The following SEMA3A variants were observed in gnomAD, a reference collection of about 807,000 sequenced individuals.
SEMA3A encodes semaphorin-3A.
SEMA3A carries 29 observed loss-of-function variants against 97.9 expected under a neutral mutation model. The ratio of observed to expected loss-of-function variants is 0.30; its 90% CI spans 0.22 to 0.40. The LOEUF is 0.40. SEMA3A is among the 10% of genes least tolerant of loss of function. The pLI is 1.00. For missense variants in SEMA3A, 763 were observed against 951.3 expected (o/e 0.80, Z 2.60); for synonymous variants, 321 against 323.7 (o/e 0.99, Z 0.09).
chr7:84,308,260 C>A (rs73384893), intron 2 of SEMA3A, among the ~76,000 whole-genome samples: 200 of 152,134 alleles, frequency 1.3e-3, no homozygotes, highest in African/African-American at 4.6e-3. Flanking sequence ...GGATCCCTTA[C>A]TGTGTGATAG....
chr7:84,484,948 A>C (rs955799320), intron 1 of SEMA3A, among the ~76,000 whole-genome samples: 1 of 152,196 alleles, frequency 6.6e-6, no homozygotes, highest in African/African-American at 2.4e-5. Flanking sequence ...ATGTTTGTAC[A>C]TATTTACTGC....
intron 1 of SEMA3A, among the ~76,000 whole-genome samples, chr7:84,147,801 T>C (rs1014508458): frequency 1.3e-5 from 2 of 152,236 alleles, no homozygotes; most frequent in Non-Finnish European, 2.9e-5. Flanking sequence ...ACAACATGCC[T>C]GGTGCTATAA....
chr7:84,355,557 T>TA (rs1204608133), intron 2 of SEMA3A, among the ~76,000 whole-genome samples: 1 of 151,882 alleles, frequency 6.6e-6, no homozygotes, highest in African/African-American at 2.4e-5. Context: ...AAGAGGTTGA[T>TA]ACTGTAATAA....
chr7:84,215,746 T>G (rs181069186), intron 3 of SEMA3A, among the ~76,000 whole-genome samples: 1 of 152,342 alleles, frequency 6.6e-6, no homozygotes, highest in African/African-American at 2.4e-5. Flanking sequence ...ACTAAATAGT[T>G]ATTGGATGAA....
At chr7:84,389,050 G>A (rs1340495511) in intron 1 of SEMA3A, among the ~76,000 whole-genome samples, 1 of 151,938 alleles carries the variant, frequency 6.6e-6, no homozygotes, top group Non-Finnish European at 1.5e-5. Context: ...CCTTATGAGG[G>A]GGAAAATAAG....
At chr7:84,061,169 G>T (rs1793201826) in intron 4 of SEMA3A, among the ~76,000 whole-genome samples, 1 of 152,134 alleles carries the variant, frequency 6.6e-6, no homozygotes, top group Admixed American at 6.5e-5. Flanking sequence ...AAATATCCCA[G>T]GTTAGGAGAG....
chr7:84,325,561 ACAGGTGG>A (rs1363248582), intron 2 of SEMA3A, among the ~76,000 whole-genome samples: 1 of 151,984 alleles, frequency 6.6e-6, no homozygotes, highest in Non-Finnish European at 1.5e-5. Context: ...AAGCTAGGTG[ACAGGTGG>A]CAAAGGAGAT....
chr7:84,088,430 G>A (rs1794453697), intron 4 of SEMA3A, among the ~76,000 whole-genome samples: 1 of 151,858 alleles, frequency 6.6e-6, no homozygotes, highest in South Asian at 2.1e-4. Flanking sequence ...CTCCAGCCTG[G>A]GCTACACAGG....
chr7:84,380,239 C>T (rs949042684), intron 1 of SEMA3A, among the ~76,000 whole-genome samples: 1 of 152,172 alleles, frequency 6.6e-6, no homozygotes, highest in African/African-American at 2.4e-5. Context: ...ATGATTAATG[C>T]TGTTGCTTTA....
chr7:84,005,580 T>TATC lies in SEMA3A; in HGVS notation c.1141-25_1141-23dup, dbSNP rs778243038. The stretch of plus-strand genomic sequence containing the variant: ...GACACTATTAAGATAAAGAGAAAAT[T>TATC]ATCTTTTGATTAAAATCTAATAAAC... On this transcript the variant is annotated intron_variant, in intron 10 of 16. Transcript: ENST00000265362. 6.3e-5 allele frequency: 91 copies of TATC among 1,452,482 alleles called. No homozygotes were observed. In the South Asian group the frequency reaches 1.0e-3, roughly 16 times the overall value. The allele number at this position is 1,452,482 out of a possible 1,614,324, so 90.0% of individuals were successfully genotyped here.
chr7:84,223,248 G>T (rs548917196), intron 3 of SEMA3A, among the ~76,000 whole-genome samples: 2 of 151,920 alleles, frequency 1.3e-5, no homozygotes, highest in East Asian at 3.9e-4. Context: ...AAAACCATCA[G>T]AGTAGTAAGT....
chr7:84,259,468 A>C (rs1037424264), intron 3 of SEMA3A, among the ~76,000 whole-genome samples: 2 of 152,150 alleles, frequency 1.3e-5, no homozygotes, highest in African/African-American at 4.8e-5. Flanking sequence ...ATATTTGTCC[A>C]TGAGGTGTAG....
At chr7:84,060,050 G>A (rs1051187999) in intron 5 of SEMA3A, among the ~76,000 whole-genome samples, 4 of 152,126 alleles carry the variant, frequency 2.6e-5, no homozygotes, top group Admixed American at 2.6e-4. Context: ...GGTAGAGGAC[G>A]TCACATCAAA....
chr7:84,103,926 T>C (rs905859631), intron 4 of SEMA3A, among the ~76,000 whole-genome samples: 1 of 152,106 alleles, frequency 6.6e-6, no homozygotes, highest in South Asian at 2.1e-4. Flanking sequence ...AGAAATTTCC[T>C]CTTAAAGTAG....
chr7:84,229,099 G>A (rs1799058085), intron 3 of SEMA3A, among the ~76,000 whole-genome samples: 1 of 151,894 alleles, frequency 6.6e-6, no homozygotes, highest in Non-Finnish European at 1.5e-5. Context: ...CACACTAAAA[G>A]TGGCTGATTA....
chr7:84,031,996 A>C (rs1367128360), intron 6 of SEMA3A, among the ~76,000 whole-genome samples: 1 of 152,246 alleles, frequency 6.6e-6, no homozygotes, highest in Non-Finnish European at 1.5e-5. Context: ...ATTGTCAAAT[A>C]ATCATAAAAC....
chr7:84,046,290 G>A (rs1227356703), intron 6 of SEMA3A, 34 bp downstream of exon 6: 2 of 1,608,938 alleles, frequency 1.2e-6, no homozygotes, highest in Non-Finnish European at 1.7e-6. Context: ...AGTTACACAT[G>A]TTACATGTCT....
chr7:84,172,564 G>A (rs528448791), intron 1 of SEMA3A, among the ~76,000 whole-genome samples: 2 of 152,194 alleles, frequency 1.3e-5, no homozygotes, highest in South Asian at 4.2e-4. Context: ...TGGGACTACA[G>A]GCATCCGCCA....
In SEMA3A at chr7:84,454,786, A is replaced by ATATG. The variant is rs1805647790; in HGVS notation, c.-246+37673_-246+37674insCATA. Among the ~76,000 whole-genome samples the ATATG allele has an allele frequency of 2.8e-4, 10 of 35,968 alleles. 2 individuals carry two copies. The highest frequency in any genetic ancestry group is 4.5e-4 in the Admixed American group (1 of 2,206). The allele number at this position is 35,968 out of a possible 152,430, so 23.6% of individuals were successfully genotyped here. A position where few individuals can be genotyped will look rare whatever the true frequency, so the allele number is the denominator to read the frequency against. On this transcript the variant is annotated intron_variant, in intron 1 of 3. Coordinates refer to the SEMA3A transcript ENST00000424555. ...TGGTGGCAAGATCAAAACTTAGACA[A>ATATG]TATTTAATCATATTAAATCTTTTTA...
Sources: allele counts gnomAD v4.1 joint callset (sites outside exome capture counted in the v4.1 genomes callset), GRCh38; gene constraint gnomAD v4.1.1; transcripts MANE v1.5; gene names NCBI Gene and HGNC (gene_info 2026-07-23, HGNC 2026-07-21).